Variants in ZBTB7C observed in about 807,000 individuals in gnomAD.
The protein encoded by ZBTB7C is zinc finger and BTB domain-containing protein 7C.
A neutral mutation model predicts 25.7 loss-of-function variants in ZBTB7C; 8 were observed. The ratio of observed to expected loss-of-function variants is 0.31; its 90% confidence interval spans 0.18 to 0.56. The LOEUF (loss-of-function observed/expected upper bound fraction) is 0.56, where lower values mean the gene tolerates loss of function less well. Among genes scored for constraint, ZBTB7C ranks in the 20% least tolerant of loss-of-function variants. ZBTB7C has a pLI of 0.91. For missense variants in ZBTB7C, 824 were observed against 855.2 expected (o/e 0.96, Z 0.46); for synonymous variants, 394 against 369.0 (o/e 1.07, Z -0.78).
At chr18:48,279,980 T>A (rs982474562) in intron 2 of ZBTB7C, among the ~76,000 whole-genome samples, 1 of 152,162 alleles carries the variant, frequency 6.6e-6, no homozygotes, top group Non-Finnish European at 1.5e-5. Flanking sequence ...CAAAAGAATA[T>A]TCATCATTCC....
At chr18:48,330,409 G>A (rs1006412791) in intron 2 of ZBTB7C, among the ~76,000 whole-genome samples, 3 of 152,144 alleles carry the variant, frequency 2.0e-5, no homozygotes, top group Non-Finnish European at 4.4e-5. Context: ...TCAGTGAGGC[G>A]AGTCAGTGCC....
In ZBTB7C at chr18:48,137,013, G is replaced by C. The variant is rs1443108953; in HGVS notation, c.-17+48921C>G. 5.1e-6 allele frequency: 5 copies of C among 983,690 alleles called. No individual in the cohort carries two copies. The African/African-American group carries it at 7.0e-5, about 14-fold the overall frequency. 60.9% of individuals were successfully genotyped at this position (983,690 alleles called of 1,614,324 possible). On this transcript the variant is annotated intron_variant, in intron 3 of 4. Transcript: ENST00000590800. Reference sequence around the variant, plus strand: ...GAGGCCGCCGCAGACCCACCTGGCCGCCCCGGGGACGCCGCGCTCGTGCCC... The same window carrying C: ...GAGGCCGCCGCAGACCCACCTGGCCCCCCCGGGGACGCCGCGCTCGTGCCC...
At chr18:48,275,938 T>C (rs2044635906) in intron 2 of ZBTB7C, among the ~76,000 whole-genome samples, 1 of 152,190 alleles carries the variant, frequency 6.6e-6, no homozygotes, top group Non-Finnish European at 1.5e-5. Flanking sequence ...AATTTGATTT[T>C]GGAAATTTGC....
At chr18:48,297,664 C>A (rs1435811153) in intron 2 of ZBTB7C, among the ~76,000 whole-genome samples, 2 of 152,192 alleles carry the variant, frequency 1.3e-5, no homozygotes, top group East Asian at 1.9e-4. Flanking sequence ...CGTCTTAAAC[C>A]TCACAGACTC....
intron 3 of ZBTB7C, among the ~76,000 whole-genome samples, chr18:48,092,850 T>A (rs1298719956): frequency 3.3e-5 from 5 of 152,258 alleles, no homozygotes; most frequent in Admixed American, 6.5e-5. Flanking sequence ...TTTGGTTGAC[T>A]GATTAACTCT....
chr18:48,037,105 C>T (rs1331174630), intron 4 of ZBTB7C, among the ~76,000 whole-genome samples: 1 of 152,200 alleles, frequency 6.6e-6, no homozygotes, highest in Admixed American at 6.5e-5. Context: ...CCTGCCTTTC[C>T]CCAGCTCGGG....
intron 2 of ZBTB7C, among the ~76,000 whole-genome samples, chr18:48,314,243 C>T (rs1054351236): frequency 6.6e-5 from 10 of 152,164 alleles, no homozygotes; most frequent in African/African-American, 1.4e-4. Flanking sequence ...AGTATAAGTG[C>T]GTTCTGTGCA....
intron 3 of ZBTB7C, among the ~76,000 whole-genome samples, chr18:48,130,322 TAGA>T (rs1389767537): frequency 6.6e-6 from 1 of 152,108 alleles, no homozygotes; most frequent in Non-Finnish European, 1.5e-5. Flanking sequence ...GAAATAATAA[TAGA>T]AGAAGAGGAG....
At chr18:48,402,585 A>C (rs369381426) in intron 1 of ZBTB7C, among the ~76,000 whole-genome samples, 1 of 152,238 alleles carries the variant, frequency 6.6e-6, no homozygotes, top group East Asian at 1.9e-4. Flanking sequence ...AAGAGACTTG[A>C]CATTTTCTTC....
At chr18:48,378,799 G>A (rs2047576834) in intron 1 of ZBTB7C, among the ~76,000 whole-genome samples, 1 of 152,112 alleles carries the variant, frequency 6.6e-6, no homozygotes, top group Non-Finnish European at 1.5e-5. Flanking sequence ...AAAAATTCTT[G>A]TAAATTAAAA....
chr18:48,309,380 C>T (rs1598838744), intron 2 of ZBTB7C, among the ~76,000 whole-genome samples: 1 of 152,228 alleles, frequency 6.6e-6, no homozygotes, highest in Non-Finnish European at 1.5e-5. Context: ...TACTGCTGCC[C>T]TAAGGGTTGT....
chr18:48,408,146 C>T (rs1186467865), intron 1 of ZBTB7C, among the ~76,000 whole-genome samples: 1 of 152,258 alleles, frequency 6.6e-6, no homozygotes, highest in African/African-American at 2.4e-5. Context: ...CCACCCACCC[C>T]CAGCTCCCCT....
intron 1 of ZBTB7C, among the ~76,000 whole-genome samples, chr18:48,399,985 T>TC (rs1473987102): frequency 6.6e-6 from 1 of 152,202 alleles, no homozygotes; most frequent in African/African-American, 2.4e-5. Context: ...TTCTAATATT[T>TC]CCTGTGCGGC....
At chr18:48,292,197 C>CA (rs572843784) in intron 2 of ZBTB7C, among the ~76,000 whole-genome samples, 14,616 of 143,530 alleles carry the variant, frequency 0.1, 1,137 homozygotes, top group African/African-American at 0.21. Flanking sequence ...GACTCCATCT[C>CA]AAAAAAAAAA....
chr18:48,347,124 G>GTTTTTTT (rs1158209713), intron 1 of ZBTB7C, among the ~76,000 whole-genome samples: 4 of 80,474 alleles, frequency 5.0e-5, no homozygotes, highest in East Asian at 4.4e-4. Flanking sequence ...GTTTTTGTTT[G>GTTTTTTT]TTTTTTTTTT....
rs562976792 is a variant in ZBTB7C at position 48,051,833 on chromosome 18, G to A, written c.-16-10710C>T. ...ACCGCAGATGGCTGGCACCCTGGCC[G>A]GGTTGGCCATGGAAGTCTGCGGCAG... On this transcript the variant is annotated intron_variant, in intron 3 of 4. Coordinates refer to ENST00000590800, the MANE Select transcript of ZBTB7C (RefSeq NM_001318841.2). 3.8e-4 allele frequency among the ~76,000 whole-genome samples: 58 copies of A among 152,262 alleles called. 1 individual carries two copies. The South Asian group carries it at 0.011, about 30-fold the overall frequency.
chr18:48,238,835 G>T (rs914553599), intron 2 of ZBTB7C, among the ~76,000 whole-genome samples: 2 of 152,230 alleles, frequency 1.3e-5, no homozygotes, highest in African/African-American at 4.8e-5. Flanking sequence ...TGTGGCAGGA[G>T]GGGAGAGGTG....
chr18:48,297,528 G>T (rs955170665), intron 2 of ZBTB7C, among the ~76,000 whole-genome samples: 8 of 152,204 alleles, frequency 5.3e-5, no homozygotes, highest in African/African-American at 1.7e-4. Context: ...AGCAGTGCTG[G>T]GTGGGATGTG....
At chr18:48,318,199 AAAAAC>A (rs1397261077) in intron 2 of ZBTB7C, among the ~76,000 whole-genome samples, 1 of 150,166 alleles carries the variant, frequency 6.7e-6, no homozygotes, top group Admixed American at 6.6e-5. Context: ...GTCCCTTGCA[AAAAAC>A]AAAACAAAAC....
Sources: gnomAD v4.1 joint callset for allele counts (sites outside exome capture counted in the v4.1 genomes callset) on GRCh38, gnomAD v4.1.1 for gene constraint, MANE v1.5 for transcripts, NCBI Gene and HGNC (gene_info 2026-07-23, HGNC 2026-07-21) for gene names.